BLTP3B: variants seen among roughly 807,000 people sequenced by gnomAD.
BLTP3B encodes UHRF1 (ICBP90) binding protein 1-like.
chr12:100,039,739 C>T, the BLTP3B span: 21 of 1,612,912 alleles, frequency 1.3e-5, no homozygotes, highest in Admixed American at 6.7e-5. Context: ...AGCACTGAAT[C>T]GCTTTTGACA....
the BLTP3B span, among the ~76,000 whole-genome samples, chr12:100,131,033 G>GAT: frequency 6.2e-5 from 7 of 113,312 alleles, no homozygotes; most frequent in Admixed American, 1.8e-4. Context: ...GAGAGAGAGA[G>GAT]AAAGAGTTTT....
chr12:100,050,113 A>C, the BLTP3B span: 3 of 1,371,894 alleles, frequency 2.2e-6, no homozygotes, highest in African/African-American at 4.4e-5. Flanking sequence ...CATATATAAA[A>C]GTTAAAACAT....
the BLTP3B span, chr12:100,037,750 C>T: frequency 2.5e-6 from 4 of 1,596,140 alleles, no homozygotes; most frequent in Non-Finnish European, 3.4e-6. Flanking sequence ...CATTCTCTTC[C>T]ATGAGCTGAA....
At chr12:100,138,164 G>A in the BLTP3B span, among the ~76,000 whole-genome samples, 2 of 152,174 alleles carry the variant, frequency 1.3e-5, no homozygotes, top group South Asian at 2.1e-4. Flanking sequence ...AAATGCCAAT[G>A]ATGCCAAGGT....
the BLTP3B span, chr12:100,089,036 A>G: frequency 2.5e-6 from 4 of 1,611,058 alleles, no homozygotes; most frequent in Non-Finnish European, 3.4e-6. Flanking sequence ...CATTTACATC[A>G]GGAGCATTTG....
the BLTP3B span, among the ~76,000 whole-genome samples, chr12:100,040,715 A>C: frequency 6.6e-6 from 1 of 151,668 alleles, no homozygotes. Flanking sequence ...ACAAAAAAAA[A>C]CTATGTAACT....
the BLTP3B span, among the ~76,000 whole-genome samples, chr12:100,084,311 T>C: frequency 2.0e-5 from 3 of 149,786 alleles, no homozygotes; most frequent in South Asian, 2.1e-4. Context: ...CTAGGCAACA[T>C]AGCAAGACCC....
the BLTP3B span, chr12:100,142,866 A>G: frequency 1.2e-5 from 6 of 502,498 alleles, no homozygotes; most frequent in Middle Eastern, 5.5e-4. Flanking sequence ...AGCATCACCT[A>G]AGAGACTCGG....
the BLTP3B span, among the ~76,000 whole-genome samples, chr12:100,055,677 C>CAAA: frequency 1.2e-5 from 1 of 83,370 alleles, no homozygotes. Flanking sequence ...AACTACATCT[C>CAAA]AAAAAAAAAA....
chr12:100,058,473 C>T, the BLTP3B span: 4 of 1,613,174 alleles, frequency 2.5e-6, no homozygotes, highest in African/African-American at 5.3e-5. Context: ...AAGGTCAACA[C>T]TCATAGATCT....
the BLTP3B span, among the ~76,000 whole-genome samples, chr12:100,112,876 A>AAGAATCTC: frequency 4.6e-5 from 7 of 150,766 alleles, no homozygotes; most frequent in Non-Finnish European, 1.5e-5. Context: ...AAAAAAAAAA[A>AAGAATCTC]AGAATCTCAG....
chr12:100,045,744 A>G, the BLTP3B span, among the ~76,000 whole-genome samples: 5 of 152,330 alleles, frequency 3.3e-5, no homozygotes, highest in East Asian at 1.9e-4. Context: ...TAATTAAACT[A>G]AAGAGCTTCT....
the BLTP3B span, chr12:100,092,698 T>G: frequency 1.3e-5 from 2 of 155,048 alleles, no homozygotes; most frequent in Non-Finnish European, 2.8e-5. Context: ...CCACATATTA[T>G]AAGAGCTATA....
At chr12:100,075,500 G>A in the BLTP3B span, among the ~76,000 whole-genome samples, 1 of 152,048 alleles carries the variant, frequency 6.6e-6, no homozygotes, top group African/African-American at 2.4e-5. Flanking sequence ...AGACCTCATT[G>A]GAGAGCTTCT....
At chr12:100,090,457 T>A in the BLTP3B span, among the ~76,000 whole-genome samples, 1 of 152,166 alleles carries the variant, frequency 6.6e-6, no homozygotes, top group Non-Finnish European at 1.5e-5. Context: ...ATAATAATTA[T>A]AAGACCAAAT....
chr12:100,130,922 A>G, the BLTP3B span, among the ~76,000 whole-genome samples: 1 of 123,950 alleles, frequency 8.1e-6, no homozygotes, highest in East Asian at 2.2e-4. Flanking sequence ...TCTCAAAAAA[A>G]TACATACATA....
chr12:100,141,460 C>T, the BLTP3B span, among the ~76,000 whole-genome samples: 4 of 151,042 alleles, frequency 2.6e-5, no homozygotes, highest in Non-Finnish European at 5.9e-5. Context: ...CACACACACA[C>T]ACGCTGCTAT....
chr12:100,084,800 A>T, the BLTP3B span: 1 of 789,820 alleles, frequency 1.3e-6, no homozygotes, highest in East Asian at 2.8e-5. Flanking sequence ...ACCTACATGT[A>T]ATTTCGAAAT....
the BLTP3B span, chr12:100,039,775 T>TAC: frequency 6.2e-7 from 1 of 1,612,654 alleles, no homozygotes; most frequent in Non-Finnish European, 8.5e-7. Context: ...TTTCCAGTGT[T>TAC]AAGCATGTGA....
Sources: allele counts gnomAD v4.1 joint callset (sites outside exome capture counted in the v4.1 genomes callset), GRCh38; gene constraint gnomAD v4.1.1; transcripts MANE v1.5; gene names NCBI Gene and HGNC (gene_info 2026-07-23, HGNC 2026-07-21).